SLC26A3: variants seen among roughly 807,000 people sequenced by gnomAD.
SLC26A3 encodes the protein solute carrier family 26 member 3, also known as chloride anion exchanger.
SLC26A3 carries 64 observed loss-of-function variants against 85.6 expected under a neutral mutation model. The ratio of observed to expected loss-of-function variants is 0.75; its 90% CI spans 0.61 to 0.92. The LOEUF (loss-of-function observed/expected upper bound fraction) is 0.92, where lower values mean the gene tolerates loss of function less well. Ranked by LOEUF, SLC26A3 falls within the 40% of genes least tolerant of loss-of-function variation. The pLI is 0.00. For synonymous variants in SLC26A3, 349 were observed against 336.0 expected, an observed-to-expected ratio of 1.04 and a Z score of -0.42; for missense variants, 922 against 927.3, an observed-to-expected ratio of 0.99 and a Z score of 0.07.
intron 1 of SLC26A3, among the ~76,000 whole-genome samples, chr7:107,801,126 C>T (rs917983453): frequency 2.6e-5 from 4 of 152,146 alleles, no homozygotes; most frequent in African/African-American, 9.7e-5. Context: ...TGGATGGAGG[C>T]AGACAAGATA....
At position 107,783,065 on chromosome 7, in the gene SLC26A3, ATGT is replaced by A. The variant is rs755575637; in HGVS notation, c.1145_1147del (p.Asn382del). 1.9e-6 allele frequency: 3 copies of A among 1,614,070 alleles called. No homozygotes were observed. Among genetic ancestry groups the A allele is most frequent in the Non-Finnish European group, 2.5e-6 (3 of 1,180,020 alleles). On this transcript the variant is annotated inframe_deletion, in exon 10 of 21. Transcript: ENST00000340010. ...AAATCCTCTGAATACTCCACAGACT[ATGT>A]TACCCAGTCCCAAGGCTATTAACTC... is the stretch of plus-strand genomic sequence containing the variant.
At chr7:107,781,544 G>A (rs921486740) in intron 11 of SLC26A3, among the ~76,000 whole-genome samples, 1 of 152,156 alleles carries the variant, frequency 6.6e-6, no homozygotes, top group African/African-American at 2.4e-5. Context: ...TCTCTCTGTA[G>A]GGGTGAGTGT....
At chr7:107,775,479 C>A (rs974511749) in intron 15 of SLC26A3, among the ~76,000 whole-genome samples, 1 of 151,944 alleles carries the variant, frequency 6.6e-6, no homozygotes, top group African/African-American at 2.4e-5. Context: ...AATCCTAGCA[C>A]TTTGGGAGGC....
chr7:107,775,429 A>C (rs1273067911), intron 15 of SLC26A3, among the ~76,000 whole-genome samples: 1 of 152,096 alleles, frequency 6.6e-6, no homozygotes, highest in African/African-American at 2.4e-5. Flanking sequence ...CAAATTATGT[A>C]ATAAAAAATC....
chr7:107,800,424 A>G (rs1794579958), intron 1 of SLC26A3, among the ~76,000 whole-genome samples: 1 of 152,244 alleles, frequency 6.6e-6, no homozygotes. Context: ...TTTGTCAGGA[A>G]CTCAGTTCCT....
chr7:107,782,943 C>T lies in SLC26A3; in HGVS notation c.1233+37G>A, dbSNP rs139017162. 1,037 of 1,609,628 alleles carry T rather than the reference C, an allele frequency of 6.4e-4. 7 individuals are homozygous for T. In the African/African-American group the frequency reaches 9.8e-3, roughly 15 times the overall value. ...CTGGCTTGAATTTCCTAGTTACTAACGCTAGGACAGTGCTTGCAGCAAAGA... is the reference window on the plus strand; with the variant it reads ...CTGGCTTGAATTTCCTAGTTACTAATGCTAGGACAGTGCTTGCAGCAAAGA... On this transcript the variant is annotated intron_variant, in intron 10 of 20. Transcript: ENST00000340010.
chr7:107,783,249 T>G lies in SLC26A3; in HGVS notation c.1075A>C (p.Ser359Arg). The G allele has an allele frequency of 6.2e-7, 1 of 1,614,246 alleles. No individual in the cohort carries two copies. Among genetic ancestry groups the G allele is most frequent in the African/African-American group, 1.3e-5 (1 of 75,066 alleles). ...TAATCGTATTTGAGGGAATAGACGCTGGCAACTGAAAAGGCCACTGCAAAT... is the reference window on the plus strand; with the variant it reads ...TAATCGTATTTGAGGGAATAGACGCGGGCAACTGAAAAGGCCACTGCAAAT... The part of the protein sequence containing the change: ...VAFAVAFSVA[S>R]VYSLKYDYPL... The change falls in exon 9 of 21, where the codon AGC becomes CGC. Residue 359 changes from serine to arginine, a missense_variant. Ser to Arg is a moderately radical substitution (Grantham distance 110, BLOSUM62 -1). Coordinates refer to ENST00000340010, the MANE Select transcript of SLC26A3 (RefSeq NM_000111.3).
chr7:107,789,081 T>C (rs1794348364), intron 6 of SLC26A3, among the ~76,000 whole-genome samples: 1 of 151,300 alleles, frequency 6.6e-6, no homozygotes. Context: ...TGAGCCATCA[T>C]GCCTGGCTTT....
At chr7:107,767,932 T>G (rs958481189) in intron 18 of SLC26A3, 24 bp from the exon 19 acceptor site, 16 of 1,611,036 alleles carry the variant, frequency 9.9e-6, no homozygotes, top group Non-Finnish European at 1.4e-5. Flanking sequence ...AACAGTAACT[T>G]TTAGGAAGAA....
rs201078396 is a variant in SLC26A3 at position 107,774,126 on chromosome 7, T to C, written c.1801A>G (p.Ile601Val). 14 of 1,614,100 alleles carry C rather than the reference T, an allele frequency of 8.7e-6. 1 individual carries two copies. In the East Asian group the frequency reaches 2.7e-4, roughly 31 times the overall value. The change falls in exon 17 of 21, where the codon ATA (isoleucine) becomes GTA (valine). Residue 601 changes from isoleucine (I) to valine (V), a missense_variant. Ile to Val is a conservative substitution (Grantham distance 29). Transcript: ENST00000340010. Reference protein sequence around the residue: ...PKGFICTVDTIKDSDEELDNN... With the variant: ...PKGFICTVDTVKDSDEELDNN... ...TCCAGCTCTTCGTCAGAATCTTTTA[T>C]GGTGTCAACAGTACATATAAATCCT...
At position 107,774,805 on chromosome 7, in the gene SLC26A3, T is replaced by C. The variant is rs1562875808; in HGVS notation, c.1745A>G (p.Gln582Arg). Residue 582 changes from glutamine to arginine, a missense_variant, in exon 16 of 21, where the codon CAG becomes CGG. Transcript: ENST00000340010. Reference protein sequence around the residue: ...NKALRKIRKLQKQGLLQVTPK... With the variant: ...NKALRKIRKLRKQGLLQVTPK... Reference sequence around the variant, plus strand: ...TGTCACTTGTAGCAAGCCTTGCTTCTGCAGTTTTCGGATTTTCCTCAAAGC... The same window carrying C: ...TGTCACTTGTAGCAAGCCTTGCTTCCGCAGTTTTCGGATTTTCCTCAAAGC... 1 of 1,614,128 alleles carries C rather than the reference T, an allele frequency of 6.2e-7. No individual in the cohort carries two copies. The highest frequency in any genetic ancestry group is 8.5e-7 in the Non-Finnish European group (1 of 1,179,958).
chr7:107,784,110 A>T (rs1164170515), intron 8 of SLC26A3, among the ~76,000 whole-genome samples: 1 of 152,236 alleles, frequency 6.6e-6, no homozygotes, highest in Non-Finnish European at 1.5e-5. Flanking sequence ...AAGTGGGTTA[A>T]TTAGGTCCAA....
Position 107,774,839 on chromosome 7 carries a change from G to T in SLC26A3, c.1711C>A (p.Arg571Ser), listed in dbSNP as rs749777742. The stretch of plus-strand genomic sequence containing the variant: ...CGGATTTTCCTCAAAGCTTTGTTGC[G>T]CTTGCGTAGAATTCGAAGTGGACTA... ...GFSPLRILRKRNKALRKIRKL... is the reference protein window; with the variant it reads ...GFSPLRILRKSNKALRKIRKL... The change falls in exon 16 of 21, where the codon CGC (arginine) becomes AGC (serine). Residue 571 changes from arginine (R) to serine (S), a missense_variant. Arg to Ser is a moderately radical substitution (Grantham distance 110). Coordinates refer to ENST00000340010, the MANE Select transcript of SLC26A3 (RefSeq NM_000111.3). 2.5e-6 allele frequency: 4 copies of T among 1,614,098 alleles called. No homozygotes were observed. In the Admixed American group the frequency reaches 6.7e-5, roughly 27 times the overall value.
intron 4 of SLC26A3, among the ~76,000 whole-genome samples, 164 bp from the exon 5 acceptor site, chr7:107,791,399 G>C (rs1209526557): frequency 6.6e-6 from 1 of 152,162 alleles, no homozygotes; most frequent in Non-Finnish European, 1.5e-5. Flanking sequence ...ATCACCTGAG[G>C]TCGGGAGTTT....
At chr7:107,766,795 A>G (rs1172648663) in intron 20 of SLC26A3, among the ~76,000 whole-genome samples, 1 of 152,122 alleles carries the variant, frequency 6.6e-6, no homozygotes, top group African/African-American at 2.4e-5. Context: ...AGGTCTTGTC[A>G]TCAGAAAGAT....
At chr7:107,794,662 G>C (rs763369573) in intron 1 of SLC26A3, 65 bp from the exon 2 acceptor site, 2 of 795,812 alleles carry the variant, frequency 2.5e-6, no homozygotes, top group Non-Finnish European at 4.3e-6. Context: ...TTACAGATGA[G>C]TGAGCTCCGA....
Position 107,767,600 on chromosome 7 carries a change from T to C in SLC26A3, c.2250A>G (p.Gly750=). The change falls in exon 20 of 21, where the codon GGA becomes GGG. Residue 750 remains glycine (G), a synonymous_variant. Coordinates refer to ENST00000340010, the MANE Select transcript of SLC26A3 (RefSeq NM_000111.3). The part of the protein sequence containing the change: ...KIDFTINTNG[G]LRNRVYEVPV... ...TTACCTCATATACCCGATTACGTAA[T>C]CCTCCATTTGTATTTATGGTAAAAT... 3 of 1,609,056 alleles carry C rather than the reference T, an allele frequency of 1.9e-6. No individual in the cohort carries two copies. The highest frequency in any genetic ancestry group is 2.6e-6 in the Non-Finnish European group (3 of 1,175,640).
chr7:107,786,756 G>T (rs1441525967), intron 8 of SLC26A3, 71 bp downstream of exon 8: 15 of 1,284,740 alleles, frequency 1.2e-5, no homozygotes, highest in Admixed American at 1.7e-5. Context: ...AGTTCGGATT[G>T]TACCTCTCCT....
In SLC26A3 at chr7:107,782,782, C is replaced by T. The variant is rs771736702; in HGVS notation, c.1311+15G>A. 2.5e-6 allele frequency: 4 copies of T among 1,612,102 alleles called. No individual in the cohort carries two copies. The highest frequency in any genetic ancestry group is 3.4e-6 in the Non-Finnish European group (4 of 1,178,244). On this transcript the variant is annotated intron_variant, in intron 11 of 20. Coordinates refer to ENST00000340010, the MANE Select transcript of SLC26A3 (RefSeq NM_000111.3). ...TACCACTAAAAGTAGAGATGCTATC[C>T]AAAGACAGTGTTACCTTTTGTAGAG...
Sources: gnomAD v4.1 joint callset for allele counts (sites outside exome capture counted in the v4.1 genomes callset) on GRCh38, gnomAD v4.1.1 for gene constraint, MANE v1.5 for transcripts, NCBI Gene and HGNC (gene_info 2026-07-23, HGNC 2026-07-21) for gene names.